Variants in DOP1B observed in about 807,000 individuals in gnomAD.
DOP1B encodes the protein DOP1 leucine zipper like protein B.
DOP1B carries 174 observed loss-of-function variants against 233.5 expected under a neutral mutation model. The observed-to-expected ratio is 0.75, with a 90% CI of 0.66 to 0.85. The LOEUF (loss-of-function observed/expected upper bound fraction) is 0.85. Ranked by LOEUF, DOP1B falls within the 40% of genes least tolerant of loss-of-function variation. The pLI is 0.00. For synonymous variants in DOP1B, 1,190 were observed against 1,185.6 expected (o/e 1.00, Z -0.08); for missense variants, 2,652 against 2,846.6 (o/e 0.93, Z 1.56).
In DOP1B at chr21:36,176,097, C is replaced by CATGTGTGTGTGTGT. The variant is rs1555886144; in HGVS notation, c.138+11226_138+11227insATGTGTGTGTGTGT. On this transcript the variant is annotated intron_variant, in intron 2 of 36. Coordinates refer to ENST00000691173, the MANE Select transcript of DOP1B (RefSeq NM_001320714.2). Reference sequence around the variant, plus strand: ...GAGCTTCGACTTTGGGGTGTGTGTGCGTGTGTGTGTGTGTGTGTGTGTGTG... The same window carrying CATGTGTGTGTGTGT: ...GAGCTTCGACTTTGGGGTGTGTGTGCATGTGTGTGTGTGTGTGTGTGTGTGTGTGTGTGTGTGTG... 1.2e-4 allele frequency among the ~76,000 whole-genome samples: 17 copies of CATGTGTGTGTGTGT among 141,742 alleles called. 1 individual carries two copies. Among genetic ancestry groups the CATGTGTGTGTGTGT allele is most frequent in the African/African-American group, 3.4e-4 (13 of 38,772 alleles). The allele number at this position is 141,742 out of a possible 152,430, so 93.0% of individuals were successfully genotyped here. A position where few individuals can be genotyped will look rare whatever the true frequency, so the allele number is the denominator to read the frequency against.
chr21:36,212,824 C>G (rs2066515023), intron 7 of DOP1B, among the ~76,000 whole-genome samples: 2 of 152,224 alleles, frequency 1.3e-5, no homozygotes, highest in African/African-American at 4.8e-5. Context: ...CTCCGTCGCC[C>G]AGACTGGAGT....
At chr21:36,205,255 T>C (rs1272790447) in intron 4 of DOP1B, among the ~76,000 whole-genome samples, 1 of 152,216 alleles carries the variant, frequency 6.6e-6, no homozygotes, top group Non-Finnish European at 1.5e-5. Flanking sequence ...GAGTGGAGCA[T>C]GCCAGTGTCA....
chr21:36,219,229 T>A, intron 9 of DOP1B, 143 bp from the exon 10 acceptor site: 1 of 1,139,032 alleles, frequency 8.8e-7, no homozygotes, highest in Non-Finnish European at 1.2e-6. Flanking sequence ...ACCAGTAAAG[T>A]TAAGTTTCTG....
intron 17 of DOP1B, among the ~76,000 whole-genome samples, chr21:36,239,433 C>T (rs988617371): frequency 3.3e-5 from 5 of 152,152 alleles, no homozygotes; most frequent in African/African-American, 4.8e-5. Flanking sequence ...TTGTTTTTCC[C>T]GAGTGCCTCT....
rs368951423 is a variant in DOP1B, at chr21:36,207,562, G to A, written c.492-1153G>A. ...ATTCTCACAACATCTCCACGAGGTC[G>A]AGGCTCCTTCCCCTGTCTTTTAGCT... is the stretch of plus-strand genomic sequence containing the variant. On this transcript the variant is annotated intron_variant, in intron 4 of 36. Transcript: ENST00000691173. Among the ~76,000 whole-genome samples the A allele has an allele frequency of 1.2e-4, 17 of 143,904 alleles. No individual in the cohort carries two copies. In the East Asian group the frequency reaches 1.4e-3, roughly 12 times the overall value. 94.4% of individuals were successfully genotyped at this position (143,904 alleles called of 152,430 possible).
At chr21:36,251,135 A>T (rs763850557) in intron 21 of DOP1B, 27 bp from the exon 22 acceptor site, 1 of 1,602,680 alleles carries the variant, frequency 6.2e-7, no homozygotes, top group Non-Finnish European at 8.5e-7. Context: ...ATTACTCTGC[A>T]GTAACTTTTT....
At chr21:36,175,068 A>G (rs1486588610) in intron 2 of DOP1B, among the ~76,000 whole-genome samples, 1 of 151,166 alleles carries the variant, frequency 6.6e-6, no homozygotes, top group Non-Finnish European at 1.5e-5. Flanking sequence ...GGGTCCTCAC[A>G]GGATCATCCC....
At position 36,219,069 on chromosome 21, in the gene DOP1B, A is replaced by T. The variant is rs114626689; in HGVS notation, c.1130-303A>T. On this transcript the variant is annotated intron_variant, in intron 9 of 36. Coordinates refer to ENST00000691173, the MANE Select transcript of DOP1B (RefSeq NM_001320714.2). ...TCTGTGCTTCCATCTCCTTATGTGT[A>T]ATCAGCAGTACAGGATCTGTCTGCA... Among the ~76,000 whole-genome samples, 134 of 152,332 alleles carry T rather than the reference A, an allele frequency of 8.8e-4. 1 individual carries two copies. Among genetic ancestry groups the T allele is most frequent in the Middle Eastern group, 3.4e-3 (1 of 294 alleles).
intron 2 of DOP1B, among the ~76,000 whole-genome samples, chr21:36,165,394 T>TTG (rs140081735): frequency 2.5e-4 from 38 of 151,698 alleles, no homozygotes; most frequent in Admixed American, 5.9e-4. Flanking sequence ...TGCCCAAAAC[T>TTG]TGTGTGTGTG....
chr21:36,293,701 G>T lies in DOP1B; in HGVS notation c.*130G>T. On this transcript the variant is annotated 3_prime_UTR_variant, in exon 37 of 37. Coordinates refer to ENST00000691173, the MANE Select transcript of DOP1B (RefSeq NM_001320714.2). ...ATTTCCATTTTGAAAGTAGATTTCA[G>T]GCTAGGTGCGGTGGCTCACACCTGT... The T allele has an allele frequency of 9.1e-7, 1 of 1,094,412 alleles. No homozygotes were observed. Among genetic ancestry groups the T allele is most frequent in the Non-Finnish European group, 1.3e-6 (1 of 760,242 alleles). 67.8% of individuals were successfully genotyped at this position (1,094,412 alleles called of 1,614,324 possible).
chr21:36,238,203 T>A (rs1224721716), intron 16 of DOP1B, among the ~76,000 whole-genome samples: 1 of 152,150 alleles, frequency 6.6e-6, no homozygotes, highest in Non-Finnish European at 1.5e-5. Context: ...TAAACCAATT[T>A]TTTTAAAAGA....
Position 36,247,498 on chromosome 21 carries a change from T to C in DOP1B, c.4698-19T>C. 1.9e-6 allele frequency: 3 copies of C among 1,555,702 alleles called. 1 individual carries two copies. The highest frequency in any genetic ancestry group is 2.4e-5 in the South Asian group (2 of 82,152). On this transcript the variant is annotated intron_variant, in intron 19 of 36. Transcript: ENST00000691173. ...TTCTTTAAAAATTCTCAAACCAGTT[T>C]CTCTTTTCTTCACCACAGCACAACC...
chr21:36,161,728 A>C (rs1243503664), intron 1 of DOP1B, among the ~76,000 whole-genome samples: 2 of 152,288 alleles, frequency 1.3e-5, no homozygotes, highest in South Asian at 2.1e-4. Flanking sequence ...CGTTTGCCTT[A>C]CCTGAGAAAG....
At position 36,214,551 on chromosome 21, in the gene DOP1B, A is replaced by G; in HGVS notation, c.1124A>G (p.Glu375Gly). 1 of 1,613,754 alleles carries G rather than the reference A, an allele frequency of 6.2e-7. No individual in the cohort carries two copies. Among genetic ancestry groups the G allele is most frequent in the Non-Finnish European group, 8.5e-7 (1 of 1,179,918 alleles). ...CTCATCAGTCTGCTTGACAAGCCAG[A>G]AATAGGTAATGTTAGAAATGCTGCT... The part of the protein sequence containing the change: ...RVLISLLDKP[E>G]IGPQVVGNLF... The change falls in exon 9 of 37, where the codon GAA becomes GGA. Residue 375 changes from glutamate (E) to glycine (G), a missense_variant. Glu to Gly is a moderately conservative substitution (Grantham distance 98). Transcript: ENST00000691173.
intron 21 of DOP1B, 82 bp from the exon 22 acceptor site, chr21:36,251,076 GGTAT>G: frequency 6.7e-7 from 1 of 1,488,054 alleles, no homozygotes; most frequent in South Asian, 1.4e-5. Flanking sequence ...CCTTGCTCTC[GGTAT>G]GGACAGCAGT....
chr21:36,174,253 C>T (rs560959283), intron 2 of DOP1B, among the ~76,000 whole-genome samples: 1 of 152,206 alleles, frequency 6.6e-6, no homozygotes, highest in South Asian at 2.1e-4. Flanking sequence ...TTTGGGAGGC[C>T]AAGGTGGGTG....
intron 4 of DOP1B, among the ~76,000 whole-genome samples, chr21:36,200,972 T>C (rs1199059867): frequency 6.6e-6 from 1 of 152,154 alleles, no homozygotes; most frequent in Admixed American, 6.5e-5. Context: ...CTCTCTTGTC[T>C]CTTTACCAAA....
At chr21:36,199,276 C>T in intron 3 of DOP1B, 25 bp downstream of exon 3, 1 of 1,587,570 alleles carries the variant, frequency 6.3e-7, no homozygotes, top group South Asian at 1.2e-5. Flanking sequence ...CTGCTGTGTT[C>T]CTTTTTATTA....
chr21:36,281,024 T>C (rs1374476993), intron 31 of DOP1B, among the ~76,000 whole-genome samples: 2 of 149,058 alleles, frequency 1.3e-5, no homozygotes, highest in Non-Finnish European at 3.0e-5. Context: ...AAATAAGTAT[T>C]GGCTGGGCAC....
Sources: gnomAD v4.1 joint callset for allele counts (sites outside exome capture counted in the v4.1 genomes callset) on GRCh38, gnomAD v4.1.1 for gene constraint, MANE v1.5 for transcripts, NCBI Gene and HGNC (gene_info 2026-07-23, HGNC 2026-07-21) for gene names.